SHC4: variants seen among roughly 807,000 people sequenced by gnomAD.
SHC4 encodes the protein SHC adaptor protein 4.
Under a neutral mutation model 69.4 loss-of-function variants are expected in SHC4, and 41 were observed. That is an observed-to-expected ratio of 0.59 (90% CI 0.46 to 0.77). The LOEUF is 0.77. SHC4 is among the 30% of genes least tolerant of loss of function. The pLI is 0.00. For missense variants in SHC4, 777 were observed against 783.8 expected, an observed-to-expected ratio of 0.99 and a Z score of 0.10; for synonymous variants, 318 against 299.3, an observed-to-expected ratio of 1.06 and a Z score of -0.64.
intron 2 of SHC4, among the ~76,000 whole-genome samples, chr15:48,913,076 T>C (rs1186461344): frequency 2.0e-5 from 3 of 152,114 alleles, no homozygotes; most frequent in African/African-American, 7.2e-5. Context: ...GTTGGCCTCC[T>C]GCCAGGAGGT....
chr15:48,884,178 C>CT (rs1899992845), intron 4 of SHC4, 70 bp downstream of exon 4: 1 of 1,468,856 alleles, frequency 6.8e-7, no homozygotes. Flanking sequence ...AAACTTTATT[C>CT]TTTTCATTAT....
intron 2 of SHC4, among the ~76,000 whole-genome samples, chr15:48,916,273 TCACACA>T (rs71120648): frequency 0.18 from 24,931 of 142,350 alleles, 2,092 homozygotes; most frequent in African/African-American, 0.19. Flanking sequence ...TGATGGTTGC[TCACACA>T]CACACACACA....
At chr15:48,851,394 G>A in intron 8 of SHC4, 146 bp from the exon 9 acceptor site, 1 of 737,424 alleles carries the variant, frequency 1.4e-6, no homozygotes. Flanking sequence ...AAAGAAAATG[G>A]ATATTTGGGG....
intron 1 of SHC4, among the ~76,000 whole-genome samples, chr15:48,944,889 C>G (rs934472900): frequency 1.3e-5 from 2 of 152,148 alleles, no homozygotes; most frequent in Admixed American, 1.3e-4. Flanking sequence ...AGTCTTTATA[C>G]AATAACACCT....
intron 4 of SHC4, among the ~76,000 whole-genome samples, chr15:48,873,665 C>T (rs918612499): frequency 2.0e-5 from 3 of 151,952 alleles, no homozygotes; most frequent in East Asian, 1.9e-4. Context: ...GGTGTGAACC[C>T]GGGAGGCGGA....
intron 2 of SHC4, among the ~76,000 whole-genome samples, chr15:48,902,200 C>T (rs566331309): frequency 7.4e-6 from 1 of 134,646 alleles, no homozygotes; most frequent in Admixed American, 7.8e-5. Flanking sequence ...GAGACTGTGT[C>T]TCAAAAAAAA....
Position 48,867,860 on chromosome 15 carries a change from C to A in SHC4, c.904G>T (p.Asp302Tyr). The change falls in exon 6 of 12, where the codon GAC becomes TAC. Residue 302 changes from aspartate (D) to tyrosine (Y), a missense_variant. Transcript: ENST00000332408. ...FASGGDPDTT[D>Y]YVAYVAKDPV... ...TCTTTAGCTACGTAGGCAACATAGT[C>A]TGTAGTATCCTATAAAAAAGGGAAA... 6.2e-7 allele frequency: 1 copy of A among 1,612,760 alleles called. No individual in the cohort carries two copies. Among genetic ancestry groups the A allele is most frequent in the South Asian group, 1.1e-5 (1 of 90,918 alleles).
chr15:48,867,457 C>T (rs1386427973), intron 6 of SHC4, among the ~76,000 whole-genome samples: 2 of 151,996 alleles, frequency 1.3e-5, no homozygotes, highest in African/African-American at 4.8e-5. Context: ...ACACACACAC[C>T]AAAGCCAATG....
At chr15:48,873,419 C>T (rs2899425) in intron 4 of SHC4, among the ~76,000 whole-genome samples, 23,934 of 152,144 alleles carry the variant, frequency 0.16, 2,149 homozygotes, top group East Asian at 0.28. Flanking sequence ...AAAACAAAGT[C>T]AATATACAAA....
rs780097479 is a variant in SHC4, at chr15:48,918,938, G to A, written c.656+5941C>T. On this transcript the variant is annotated intron_variant, in intron 2 of 11. Transcript: ENST00000332408. ...TCCCTTCTGGGTCAGGGCTTCCCAG[G>A]TCTGCTGTCACACCCAAGTAGCTGC... 2.6e-5 allele frequency among the ~76,000 whole-genome samples: 4 copies of A among 152,038 alleles called. No homozygotes were observed. The South Asian group carries it at 8.3e-4, about 32-fold the overall frequency.
intron 1 of SHC4, chr15:48,948,143 T>C (rs1210017292): frequency 6.6e-6 from 1 of 152,184 alleles, no homozygotes; most frequent in Non-Finnish European, 1.5e-5. Context: ...TATTTCTAGG[T>C]TGCCCTGGGA....
At chr15:48,927,172 G>A (rs184903618) in intron 1 of SHC4, among the ~76,000 whole-genome samples, 1 of 152,298 alleles carries the variant, frequency 6.6e-6, no homozygotes, top group African/African-American at 2.4e-5. Flanking sequence ...CAAGCTCCAC[G>A]TCCAGGTGGC....
intron 1 of SHC4, among the ~76,000 whole-genome samples, chr15:48,940,782 G>C (rs568604784): frequency 3.3e-4 from 50 of 152,250 alleles, no homozygotes; most frequent in African/African-American, 1.2e-3. Flanking sequence ...AATGGTCAGT[G>C]TTCGTTATAC....
At position 48,889,767 on chromosome 15, in the gene SHC4, CCGGGAG is replaced by C. The variant is rs2141005325; in HGVS notation, c.720+975_720+980del. Among the ~76,000 whole-genome samples the C allele has an allele frequency of 1.3e-5, 2 of 152,284 alleles. 1 individual carries two copies. The highest frequency in any genetic ancestry group is 4.8e-5 in the African/African-American group (2 of 41,558). On this transcript the variant is annotated intron_variant, in intron 3 of 11. Coordinates refer to ENST00000332408, the MANE Select transcript of SHC4 (RefSeq NM_203349.4). ...GCTGAGGCAGGAGAATGGCTTGAAT[CCGGGAG>C]GCGGAGCTTGCAGTGAGCCGAGATC...
At chr15:48,832,287 A>G (rs903300979) in intron 11 of SHC4, among the ~76,000 whole-genome samples, 1 of 152,132 alleles carries the variant, frequency 6.6e-6, no homozygotes, top group African/African-American at 2.4e-5. Flanking sequence ...GAAGAAGAAG[A>G]AAAAAAGAAA....
intron 2 of SHC4, among the ~76,000 whole-genome samples, chr15:48,897,620 G>A (rs932250795): frequency 6.7e-6 from 1 of 149,952 alleles, no homozygotes; most frequent in African/African-American, 2.5e-5. Flanking sequence ...GAGGCTGCGC[G>A]GCAGATTTTT....
At chr15:48,855,224 A>G (rs1393000439) in intron 8 of SHC4, among the ~76,000 whole-genome samples, 4 of 152,208 alleles carry the variant, frequency 2.6e-5, no homozygotes. Context: ...AAAATAAAAT[A>G]AAATAAAAGT....
At chr15:48,951,297 G>C (rs991271825) in intron 1 of SHC4, among the ~76,000 whole-genome samples, 34 of 151,870 alleles carry the variant, frequency 2.2e-4, no homozygotes, top group Non-Finnish European at 1.0e-4. Flanking sequence ...GGGGTGAGAA[G>C]CTGGTGGCTT....
chr15:48,913,760 G>A (rs188808738), intron 2 of SHC4, among the ~76,000 whole-genome samples: 7 of 152,256 alleles, frequency 4.6e-5, no homozygotes, highest in East Asian at 3.9e-4. Context: ...GGGGCCCAGC[G>A]AGCTCCCAGG....
Sources: allele counts gnomAD v4.1 joint callset (sites outside exome capture counted in the v4.1 genomes callset), GRCh38; gene constraint gnomAD v4.1.1; transcripts MANE v1.5; gene names NCBI Gene and HGNC (gene_info 2026-07-23, HGNC 2026-07-21).